RBFOX1: variants seen among roughly 807,000 people sequenced by gnomAD.
RBFOX1 encodes the protein RNA binding fox-1 homolog 1.
In RBFOX1, 8 loss-of-function variants were observed where a neutral mutation model predicts 57.7. That is an observed-to-expected ratio of 0.14 (90% CI 0.08 to 0.25). RBFOX1 has a LOEUF of 0.25. Ranked by LOEUF, RBFOX1 falls within the 10% of genes least tolerant of loss-of-function variation. The pLI is 1.00. For synonymous variants in RBFOX1, 326 were observed against 222.4 expected (o/e 1.47, Z -4.15); for missense variants, 611 against 548.5 (o/e 1.11, Z -1.14).
chr16:6,762,410 A>C (rs1276614396), intron 3 of RBFOX1, among the ~76,000 whole-genome samples: 1 of 152,164 alleles, frequency 6.6e-6, no homozygotes, highest in Admixed American at 6.5e-5. Flanking sequence ...ACAGTACTTA[A>C]TTGAACATAC....
intron 3 of RBFOX1, chr16:6,723,719 C>G (rs544280740): frequency 1.3e-5 from 2 of 151,200 alleles, no homozygotes; most frequent in Non-Finnish European, 2.9e-5. Context: ...AAAGCTGCAT[C>G]TGTCTCGTGA....
rs550656630 is a variant in RBFOX1, at chr16:7,067,980, G to C, written c.27+15882G>C. On this transcript the variant is annotated intron_variant, in intron 4 of 15. Transcript: ENST00000550418. ...TTTTTTTTTTTTTTTGTAATTCATGGCTCCTTCCTTCATCTTTAAAGCCAG... is the reference window on the plus strand; with the variant it reads ...TTTTTTTTTTTTTTTGTAATTCATGCCTCCTTCCTTCATCTTTAAAGCCAG... Among the ~76,000 whole-genome samples, 13 of 142,334 alleles carry C rather than the reference G, an allele frequency of 9.1e-5. No homozygotes were observed. In the East Asian group the frequency reaches 2.7e-3, roughly 29 times the overall value. 93.4% of individuals were successfully genotyped at this position (142,334 alleles called of 152,430 possible). A position where few individuals can be genotyped will look rare whatever the true frequency, so the allele number is the denominator to read the frequency against.
chr16:7,099,795 A>G (rs1238198062), intron 4 of RBFOX1, among the ~76,000 whole-genome samples: 1 of 152,186 alleles, frequency 6.6e-6, no homozygotes, highest in Admixed American at 6.6e-5. Flanking sequence ...TCGTAGAGTT[A>G]CCGGGAGAAA....
At chr16:7,709,425 A>G (rs945766564) in intron 15 of RBFOX1, 2 of 1,322,970 alleles carry the variant, frequency 1.5e-6, no homozygotes, top group South Asian at 1.6e-5. Context: ...CATCACTAAC[A>G]GAATGCAGTG....
rs575235024 is a variant in RBFOX1, at chr16:5,897,016, C to CTTTTTTTTTTTTTT, written c.351+29698_351+29711dup. On this transcript the variant is annotated intron_variant, in intron 4 of 19. Transcript: ENST00000641259. ...CCCCCACTAAAAATGTATCCATCCGCTTTTTTTTTTTTTTTTTTTTTTTTT... is the reference window on the plus strand; with the variant it reads ...CCCCCACTAAAAATGTATCCATCCGCTTTTTTTTTTTTTTTTTTTTTTTTTTTTTTTTTTTTTTT... Among the ~76,000 whole-genome samples, 225 of 56,460 alleles carry CTTTTTTTTTTTTTT rather than the reference C, an allele frequency of 4.0e-3. 21 individuals are homozygous for CTTTTTTTTTTTTTT. Among genetic ancestry groups the CTTTTTTTTTTTTTT allele is most frequent in the Admixed American group, 8.7e-3 (29 of 3,352 alleles). The allele number at this position is 56,460 out of a possible 152,430, so 37.0% of individuals were successfully genotyped here. A position where few individuals can be genotyped will look rare whatever the true frequency, so the allele number is the denominator to read the frequency against.
chr16:5,311,606 G>A lies in RBFOX1; in HGVS notation c.219+71501G>A, dbSNP rs368657762. On this transcript the variant is annotated intron_variant, in intron 1 of 2. Transcript: ENST00000585867. ...TAATAATCATTCTTGCTGGAGTAAGGTGTATCTCATTGTGGTTTTATTTTG... is the reference window on the plus strand; with the variant it reads ...TAATAATCATTCTTGCTGGAGTAAGATGTATCTCATTGTGGTTTTATTTTG... Among the ~76,000 whole-genome samples, 6 of 152,124 alleles carry A rather than the reference G, an allele frequency of 3.9e-5. No homozygotes were observed. In the South Asian group the frequency reaches 6.2e-4, roughly 16 times the overall value.
At chr16:7,701,081 C>G (rs528484473) in intron 14 of RBFOX1, among the ~76,000 whole-genome samples, 6 of 151,964 alleles carry the variant, frequency 3.9e-5, no homozygotes, top group Admixed American at 2.6e-4. Context: ...AGGGAAATCA[C>G]GAGGTTGAAA....
chr16:7,567,166 T>TATATATATCCCTATATATATATATCC (rs2091913070), intron 5 of RBFOX1, among the ~76,000 whole-genome samples: 1 of 145,896 alleles, frequency 6.9e-6, no homozygotes. Flanking sequence ...TATATATCCA[T>TATATATATCCCTATATATATATATCC]ATATATATCC....
chr16:6,221,364 C>T (rs2097372143), intron 1 of RBFOX1, among the ~76,000 whole-genome samples: 2 of 152,236 alleles, frequency 1.3e-5, no homozygotes, highest in Non-Finnish European at 2.9e-5. Context: ...TATGCTTAAT[C>T]TCTGGGTTCA....
chr16:5,618,974 G>A (rs1001700121), intron 3 of RBFOX1, among the ~76,000 whole-genome samples: 3 of 152,138 alleles, frequency 2.0e-5, no homozygotes, highest in African/African-American at 4.8e-5. Flanking sequence ...CCTCCCAGCC[G>A]GCATCCTTTG....
At position 5,517,168 on chromosome 16, in the gene RBFOX1, C is replaced by T. The variant is rs150447230; in HGVS notation, c.258+49914C>T. 1.6e-3 allele frequency among the ~76,000 whole-genome samples: 241 copies of T among 152,218 alleles called. 1 individual carries two copies. The highest frequency in any genetic ancestry group is 5.5e-3 in the African/African-American group (229 of 41,538). On this transcript the variant is annotated intron_variant, in intron 2 of 2. Coordinates refer to the RBFOX1 transcript ENST00000585867. ...CTGTGGTCACCAGGAGCAGAAACTC[C>T]ATTAGGCTAGCTCAAGTCAAAGGGG...
At chr16:5,280,250 TATGTTGAGCC>T (rs2063238827) in intron 1 of RBFOX1, among the ~76,000 whole-genome samples, 1 of 152,278 alleles carries the variant, frequency 6.6e-6, no homozygotes, top group Non-Finnish European at 1.5e-5. Flanking sequence ...TTGATTTGTG[TATGTTGAGCC>T]ATGTTTGCAT....
rs907121025 is a variant in RBFOX1 at position 7,709,234 on chromosome 16, G to C, written c.1071+103G>C. The stretch of plus-strand genomic sequence containing the variant: ...GACGTCCTCTCACTTCCCGTTAATT[G>C]AATTTGTCTCTTGTGCTAACAGCAG... On this transcript the variant is annotated intron_variant, in intron 15 of 15. Coordinates refer to ENST00000550418, the MANE Select transcript of RBFOX1 (RefSeq NM_018723.4). The C allele has an allele frequency of 6.0e-6, 7 of 1,175,888 alleles. No individual in the cohort carries two copies. In the African/African-American group the frequency reaches 9.3e-5, roughly 16 times the overall value. The allele number at this position is 1,175,888 out of a possible 1,614,324, so 72.8% of individuals were successfully genotyped here. A position where few individuals can be genotyped will look rare whatever the true frequency, so the allele number is the denominator to read the frequency against.
chr16:7,428,295 G>A (rs887940037), intron 4 of RBFOX1, among the ~76,000 whole-genome samples: 3 of 146,038 alleles, frequency 2.1e-5, no homozygotes, highest in African/African-American at 5.0e-5. Context: ...TTTTGTATGA[G>A]ATATATTTGA....
At chr16:5,275,519 G>C (rs1480280459) in intron 1 of RBFOX1, among the ~76,000 whole-genome samples, 2 of 152,132 alleles carry the variant, frequency 1.3e-5, no homozygotes, top group Non-Finnish European at 2.9e-5. Flanking sequence ...ACAAAACACT[G>C]CTGAAAGAAA....
chr16:7,022,145 C>T (rs900017568), intron 3 of RBFOX1, among the ~76,000 whole-genome samples: 1 of 148,154 alleles, frequency 6.7e-6, no homozygotes, highest in African/African-American at 2.5e-5. Flanking sequence ...TCACTGCAAC[C>T]TCTGCCTCCT....
chr16:7,516,665 A>G (rs142314507), intron 4 of RBFOX1, among the ~76,000 whole-genome samples: 9 of 152,340 alleles, frequency 5.9e-5, no homozygotes, highest in African/African-American at 2.2e-4. Flanking sequence ...TGGCACAGAC[A>G]TTTGGCGAAA....
At chr16:6,328,642 G>A (rs1398981744) in intron 2 of RBFOX1, among the ~76,000 whole-genome samples, 1 of 152,170 alleles carries the variant, frequency 6.6e-6, no homozygotes, top group East Asian at 1.9e-4. Flanking sequence ...TGCAAAGTAG[G>A]AAAGTTACTT....
At chr16:7,213,811 C>G (rs571772612) in intron 4 of RBFOX1, among the ~76,000 whole-genome samples, 1 of 152,264 alleles carries the variant, frequency 6.6e-6, no homozygotes, top group South Asian at 2.1e-4. Flanking sequence ...GCCAGTTATT[C>G]TTAATAGACT....
Sources: gnomAD v4.1 joint callset for allele counts (sites outside exome capture counted in the v4.1 genomes callset) on GRCh38, gnomAD v4.1.1 for gene constraint, MANE v1.5 for transcripts, NCBI Gene and HGNC (gene_info 2026-07-23, HGNC 2026-07-21) for gene names.